The following CTNNA2 variants were observed in gnomAD, a reference collection of about 807,000 sequenced individuals.
CTNNA2 encodes catenin alpha-2.
CTNNA2 carries 42 observed loss-of-function variants against 101.0 expected under a neutral mutation model. The ratio of observed to expected loss-of-function variants is 0.42; its 90% confidence interval spans 0.32 to 0.54. CTNNA2 has a LOEUF of 0.54. Among genes scored for constraint, CTNNA2 ranks in the 20% least tolerant of loss-of-function variants. CTNNA2 has a pLI of 0.14. For synonymous variants in CTNNA2, 450 were observed against 456.4 expected (o/e 0.99, Z 0.18); for missense variants, 871 against 1,223.1 (o/e 0.71, Z 4.29).
At chr2:79,910,747 C>A (rs2104328390) in intron 7 of CTNNA2, among the ~76,000 whole-genome samples, 2 of 152,234 alleles carry the variant, frequency 1.3e-5, no homozygotes, top group South Asian at 4.2e-4. Flanking sequence ...TATTAGAACA[C>A]CCCGAGGCAA....
intron 7 of CTNNA2, among the ~76,000 whole-genome samples, chr2:80,008,478 G>A (rs529426809): frequency 3.9e-5 from 6 of 152,266 alleles, no homozygotes; most frequent in African/African-American, 1.2e-4. Context: ...GCAGTTCTGC[G>A]ATTCTTTTCA....
chr2:79,898,348 G>C (rs1038335964), intron 6 of CTNNA2, among the ~76,000 whole-genome samples: 7 of 151,940 alleles, frequency 4.6e-5, no homozygotes, highest in South Asian at 4.2e-4. Flanking sequence ...TATTGAGCAG[G>C]CTGGTCTCGA....
intron 2 of CTNNA2, among the ~76,000 whole-genome samples, chr2:79,712,384 T>C (rs1481419419): frequency 1.3e-5 from 2 of 152,212 alleles, no homozygotes; most frequent in Non-Finnish European, 2.9e-5. Flanking sequence ...CTGAGGCTTA[T>C]GTAATTCTCA....
At chr2:79,904,516 C>G (rs1237411719) in intron 6 of CTNNA2, among the ~76,000 whole-genome samples, 3 of 152,052 alleles carry the variant, frequency 2.0e-5, no homozygotes, top group Non-Finnish European at 4.4e-5. Context: ...ACTCATTTCA[C>G]CTAAATGTGG....
chr2:79,681,686 A>G (rs1473472892), intron 2 of CTNNA2, among the ~76,000 whole-genome samples: 1 of 152,240 alleles, frequency 6.6e-6, no homozygotes, highest in African/African-American at 2.4e-5. Context: ...CTCTTAAGAC[A>G]TAATTGCATG....
intron 7 of CTNNA2, among the ~76,000 whole-genome samples, chr2:80,012,173 T>C (rs1317971282): frequency 1.3e-5 from 2 of 152,020 alleles, no homozygotes; most frequent in East Asian, 3.9e-4. Flanking sequence ...CCTACGACGG[T>C]GCCAAGCAGA....
At chr2:80,043,119 CTCCTTCCTTCCTTCCTTCCTTCCTTCCT>C (rs70940072) in intron 7 of CTNNA2, among the ~76,000 whole-genome samples, 924 of 52,022 alleles carry the variant, frequency 0.018, 48 homozygotes, top group African/African-American at 0.048. Flanking sequence ...CTCTTTCTTT[CTCCTTCCTTCCTTCCTTCCTTCCTTCCT>C]TCCTTCCTTC....
intron 7 of CTNNA2, among the ~76,000 whole-genome samples, chr2:80,296,265 A>G (rs1028947843): frequency 6.6e-6 from 1 of 152,172 alleles, no homozygotes; most frequent in African/African-American, 2.4e-5. Flanking sequence ...GGGGAAGAAG[A>G]AGGCACAGGC....
intron 18 of CTNNA2, among the ~76,000 whole-genome samples, chr2:80,645,093 T>A (rs1390659553): frequency 1.3e-5 from 2 of 152,232 alleles, no homozygotes; most frequent in Admixed American, 6.5e-5. Context: ...TCTTGTTCTA[T>A]TTCTACTAAT....
At chr2:80,244,828 G>T (rs1323645481) in intron 7 of CTNNA2, among the ~76,000 whole-genome samples, 2 of 152,158 alleles carry the variant, frequency 1.3e-5, no homozygotes, top group Non-Finnish European at 2.9e-5. Context: ...TGCTCAGAGA[G>T]AAATATTGTG....
intron 7 of CTNNA2, among the ~76,000 whole-genome samples, chr2:80,308,962 G>C (rs1321556949): frequency 6.6e-6 from 1 of 151,974 alleles, no homozygotes; most frequent in African/African-American, 2.4e-5. Context: ...GGTGGTGGGT[G>C]CCTGTAATCC....
At position 79,834,287 on chromosome 2, in the gene CTNNA2, C is replaced by G. The variant is rs145366423; in HGVS notation, c.299-23726C>G. Reference sequence around the variant, plus strand: ...AATTGATGAGTTCTAGAGTATCTAACATTTATCTTTAGTAGTTGTATTCTC... The same window carrying G: ...AATTGATGAGTTCTAGAGTATCTAAGATTTATCTTTAGTAGTTGTATTCTC... On this transcript the variant is annotated intron_variant, in intron 3 of 18. Transcript: ENST00000402739. Among the ~76,000 whole-genome samples the G allele has an allele frequency of 1.2e-3, 179 of 151,822 alleles. 1 individual carries two copies. The highest frequency in any genetic ancestry group is 4.0e-3 in the African/African-American group (167 of 41,400).
In CTNNA2 at chr2:80,303,244, G is replaced by C. The variant is rs762969109; in HGVS notation, c.1057-89967G>C. On this transcript the variant is annotated intron_variant, in intron 7 of 18. Coordinates refer to ENST00000402739, the MANE Select transcript of CTNNA2 (RefSeq NM_001282597.3). This position sits in a 1 kb window ranked among gnomAD's most constrained non-coding sequence, Gnocchi z 7.7. ...CCAGACTCTTGAGCTGATTGTATCCGATGTCGAGAAACTTGAGGCTGCGGC... is the reference window on the plus strand; with the variant it reads ...CCAGACTCTTGAGCTGATTGTATCCCATGTCGAGAAACTTGAGGCTGCGGC... 1 of 1,613,634 alleles carries C rather than the reference G, an allele frequency of 6.2e-7. No individual in the cohort carries two copies. Among genetic ancestry groups the C allele is most frequent in the African/African-American group, 1.3e-5 (1 of 74,914 alleles).
intron 3 of CTNNA2, among the ~76,000 whole-genome samples, chr2:79,325,612 T>C (rs1421241668): frequency 6.6e-6 from 1 of 152,140 alleles, no homozygotes; most frequent in Non-Finnish European, 1.5e-5. Flanking sequence ...ATGATAGCAA[T>C]GGAACAATGC....
intron 2 of CTNNA2, among the ~76,000 whole-genome samples, chr2:79,294,858 C>T (rs890108399): frequency 6.6e-6 from 1 of 152,036 alleles, no homozygotes; most frequent in African/African-American, 2.4e-5. Context: ...GTGTCATTAT[C>T]TTATCTGCTG....
At chr2:79,465,313 T>A (rs1670921029) in intron 4 of CTNNA2, among the ~76,000 whole-genome samples, 1 of 152,188 alleles carries the variant, frequency 6.6e-6, no homozygotes, top group Admixed American at 6.5e-5. Context: ...ATATTATTTT[T>A]GAGGGCTCTG....
chr2:79,257,443 A>T (rs528091103), intron 2 of CTNNA2, among the ~76,000 whole-genome samples: 1 of 152,220 alleles, frequency 6.6e-6, no homozygotes, highest in South Asian at 2.1e-4. Context: ...TGATTGTTGT[A>T]AGAGTGATAA....
At chr2:79,962,733 T>A (rs1020441492) in intron 7 of CTNNA2, among the ~76,000 whole-genome samples, 1 of 152,130 alleles carries the variant, frequency 6.6e-6, no homozygotes, top group African/African-American at 2.4e-5. Flanking sequence ...TGGTGCACAT[T>A]GGAGCCAGGT....
chr2:79,327,807 C>T (rs923591612), intron 3 of CTNNA2, among the ~76,000 whole-genome samples: 1 of 152,160 alleles, frequency 6.6e-6, no homozygotes, highest in Non-Finnish European at 1.5e-5. Context: ...GCAGAAGGGG[C>T]AGGGGGATGG....
Sources: allele counts gnomAD v4.1 joint callset (sites outside exome capture counted in the v4.1 genomes callset), GRCh38; gene constraint gnomAD v4.1.1; non-coding constraint Gnocchi (gnomAD v3.1); transcripts MANE v1.5; gene names NCBI Gene and HGNC (gene_info 2026-07-23, HGNC 2026-07-21).